Variants in RGS3 observed in about 807,000 individuals in gnomAD.
RGS3 encodes regulator of G-protein signalling 3.
In RGS3, 80 loss-of-function variants were observed where a neutral mutation model predicts 132.6. The observed-to-expected ratio is 0.60, with a 90% CI of 0.50 to 0.73. RGS3 has a LOEUF of 0.73. Among genes scored for constraint, RGS3 ranks in the 30% least tolerant of loss-of-function variants. The probability of loss-of-function intolerance (pLI) is 0.00; values close to 1 mark genes in which losing one functional copy is unlikely to be tolerated. For synonymous variants in RGS3, 598 were observed against 620.6 expected (o/e 0.96, Z 0.54); for missense variants, 1,382 against 1,530.8 (o/e 0.90, Z 1.62).
chr9:113,542,092 T>C (rs968621412), intron 19 of RGS3: 8 of 156,176 alleles, frequency 5.1e-5, no homozygotes, highest in African/African-American at 1.9e-4. Context: ...TAAGAGGGAA[T>C]TGTACTTAGA....
intron 16 of RGS3, among the ~76,000 whole-genome samples, chr9:113,521,238 T>G (rs1294908850): frequency 1.3e-5 from 2 of 152,172 alleles, no homozygotes; most frequent in Admixed American, 6.5e-5. Flanking sequence ...CCCTGAGAGC[T>G]CCTTCAAGGA....
chr9:113,456,550 T>G (rs1429000926), upstream of RGS3, among the ~76,000 whole-genome samples: 1 of 152,202 alleles, frequency 6.6e-6, no homozygotes, highest in Non-Finnish European at 1.5e-5. Context: ...CCTAGTTTGG[T>G]CATTGTCATC....
intron 19 of RGS3, among the ~76,000 whole-genome samples, chr9:113,577,085 G>A (rs1297439637): frequency 6.6e-6 from 1 of 152,160 alleles, no homozygotes; most frequent in Non-Finnish European, 1.5e-5. Context: ...CTGGATTCAA[G>A]CAATTCTCCT....
chr9:113,590,076 A>C (rs1395693913), intron 20 of RGS3: 6 of 152,198 alleles, frequency 3.9e-5, no homozygotes, highest in African/African-American at 1.4e-4. Context: ...GAAACATTAA[A>C]ATGTGTTCTG....
At chr9:113,461,679 G>A (rs771066240) in intron 1 of RGS3, 32 of 1,604,642 alleles carry the variant, frequency 2.0e-5, no homozygotes, top group Non-Finnish European at 2.6e-5. Flanking sequence ...TAAGTGCCCA[G>A]TGTGGGCCTC....
intron 18 of RGS3, 41 bp from the exon 17 acceptor site, chr9:113,536,754 AG>A: frequency 6.2e-7 from 1 of 1,601,520 alleles, no homozygotes; most frequent in Non-Finnish European, 8.5e-7. Flanking sequence ...TGAACCAGGG[AG>A]CAGCCCTGAC....
At chr9:113,475,663 G>A (rs989961268) in intron 3 of RGS3, among the ~76,000 whole-genome samples, 1 of 152,092 alleles carries the variant, frequency 6.6e-6, no homozygotes, top group African/African-American at 2.4e-5. Context: ...TCCCACCTCA[G>A]CCTCCCAAAG....
intron 3 of RGS3, among the ~76,000 whole-genome samples, chr9:113,474,597 G>A (rs1424111137): frequency 6.6e-6 from 1 of 152,198 alleles, no homozygotes; most frequent in Non-Finnish European, 1.5e-5. Flanking sequence ...GAGTACAGAC[G>A]TGTCCTCATA....
chr9:113,506,810 A>G lies in RGS3; in HGVS notation c.1085+317A>G, dbSNP rs1797914064. 6.6e-6 allele frequency among the ~76,000 whole-genome samples: 1 copy of G among 152,156 alleles called. No individual in the cohort carries two copies. Reference sequence around the variant, plus strand: ...TAAGAGCTAAGCCCATTTGTTATTTAAGGGCATGAAGATGTTGCAAATGTT... The same window carrying G: ...TAAGAGCTAAGCCCATTTGTTATTTGAGGGCATGAAGATGTTGCAAATGTT... On this transcript the variant is annotated intron_variant, in intron 12 of 24. Coordinates refer to ENST00000350696, the Ensembl canonical transcript of RGS3. The surrounding 1 kb of genome is among the most constrained non-coding windows in gnomAD (Gnocchi z 4.7).
Position 113,537,078 on chromosome 9 carries a change from C to T in RGS3, c.2037+160C>T, listed in dbSNP as rs1187013593. ...CGGGGACCTGTGCCCGAATGTCTCT[C>T]CCCCTTGGCATGTCATTGGGTCTGC... is the stretch of plus-strand genomic sequence containing the variant. On this transcript the variant is annotated intron_variant, in intron 19 of 24. Transcript: ENST00000350696. The surrounding 1 kb of genome is among the most constrained non-coding windows in gnomAD (Gnocchi z 4.3). Among the ~76,000 whole-genome samples the T allele has an allele frequency of 6.6e-6, 1 of 152,228 alleles. No homozygotes were observed. Among genetic ancestry groups the T allele is most frequent in the African/African-American group, 2.4e-5 (1 of 41,466 alleles).
intron 10 of RGS3, among the ~76,000 whole-genome samples, chr9:113,500,125 C>T (rs1014398436): frequency 2.6e-5 from 4 of 152,214 alleles, no homozygotes; most frequent in Non-Finnish European, 5.9e-5. Context: ...CACACAGGCC[C>T]TGAGCCCCTT....
chr9:113,493,882 T>G (rs948041892), intron 7 of RGS3, among the ~76,000 whole-genome samples: 1 of 152,098 alleles, frequency 6.6e-6, no homozygotes, highest in African/African-American at 2.4e-5. Flanking sequence ...TTAGACCAGG[T>G]TTTGGAAAAC....
exon 19 of RGS3, chr9:113,536,898 G>A: frequency 1.2e-6 from 2 of 1,614,110 alleles, no homozygotes; most frequent in Non-Finnish European, 8.5e-7. Context: ...ACAGCTGGCA[G>A]CATCACCCCC....
chr9:113,518,270 C>T (rs1257981119), intron 16 of RGS3, among the ~76,000 whole-genome samples: 1 of 152,194 alleles, frequency 6.6e-6, no homozygotes, highest in South Asian at 2.1e-4. Context: ...TACCTGGGGC[C>T]ATGGGGTGAG....
chr9:113,582,329 TG>T (rs930339154), intron 19 of RGS3: 2 of 544,404 alleles, frequency 3.7e-6, no homozygotes, highest in African/African-American at 2.1e-5. Context: ...ACCCATGTTC[TG>T]GGGGTACTTA....
chr9:113,524,860 G>T (rs1231829363), intron 17 of RGS3, among the ~76,000 whole-genome samples: 1 of 152,228 alleles, frequency 6.6e-6, no homozygotes, highest in Non-Finnish European at 1.5e-5. Flanking sequence ...GAGGCCCCAG[G>T]CCCCAGACTT....
At chr9:113,505,370 G>A in intron 10 of RGS3, 72 bp from the exon 9 acceptor site, 1 of 1,382,916 alleles carries the variant, frequency 7.2e-7, no homozygotes, top group Admixed American at 1.7e-5. Context: ...GGTGGGCTGT[G>A]GGCTTCCTGA....
At chr9:113,558,739 T>C (rs1357442595) in intron 19 of RGS3, among the ~76,000 whole-genome samples, 1 of 152,242 alleles carries the variant, frequency 6.6e-6, no homozygotes, top group East Asian at 1.9e-4. Flanking sequence ...TGATTTATTA[T>C]GCAGGCTTGA....
At chr9:113,467,427 G>A (rs1045062639) in intron 3 of RGS3, among the ~76,000 whole-genome samples, 3 of 152,146 alleles carry the variant, frequency 2.0e-5, no homozygotes, top group Admixed American at 6.5e-5. Context: ...AGCTATCCTA[G>A]TGGGTGTGAA....
Sources: allele counts gnomAD v4.1 joint callset (sites outside exome capture counted in the v4.1 genomes callset), GRCh38; gene constraint gnomAD v4.1.1; non-coding constraint Gnocchi (gnomAD v3.1); transcripts MANE v1.5; gene names NCBI Gene and HGNC (gene_info 2026-07-23, HGNC 2026-07-21).